PAK3: variants seen among roughly 807,000 people sequenced by gnomAD.
The protein encoded by PAK3 is serine/threonine-protein kinase PAK 3.
A neutral mutation model predicts 41.0 loss-of-function variants in PAK3; 4 were observed. That is an observed-to-expected ratio of 0.10 (90% CI 0.05 to 0.22). The LOEUF is 0.22. PAK3 is among the 10% of genes least tolerant of loss of function. The pLI is 1.00. For synonymous variants in PAK3, 146 were observed against 139.6 expected (o/e 1.05, Z -0.32); for missense variants, 205 against 409.9 (o/e 0.50, Z 4.32).
intron 1 of PAK3, among the ~76,000 whole-genome samples, chrX:111,006,022 G>A (rs1319824402): frequency 9.0e-6 from 1 of 110,836 alleles, no homozygotes; most frequent in Non-Finnish European, 1.9e-5. Flanking sequence ...AATAGACAGG[G>A]GTCACAGAAA....
Position 111,223,260 on chromosome X carries a change from C to T in PAK3, c.*2813C>T, listed in dbSNP as rs1308170492. ...AAAATGTCCTGAGTTAGGAATAGGG[C>T]AGTGGGAAAGTCAGGGAAGGGTGAG... On this transcript the variant is annotated 3_prime_UTR_variant, in exon 18 of 18. Coordinates refer to ENST00000372007, the MANE Select transcript of PAK3 (RefSeq NM_002578.5). 9.1e-6 allele frequency: 1 copy of T among 110,397 alleles called. No homozygotes were observed. Among genetic ancestry groups the T allele is most frequent in the Non-Finnish European group, 1.9e-5 (1 of 52,933 alleles). The allele number at this position is 110,397 out of a possible 1,213,427, so 9.1% of individuals were successfully genotyped here.
intron 1 of PAK3, among the ~76,000 whole-genome samples, chrX:110,958,396 G>A (rs980990655): frequency 3.6e-5 from 4 of 111,512 alleles, no homozygotes; most frequent in Non-Finnish European, 7.5e-5. Flanking sequence ...CTTAAGAGTG[G>A]CGAGAAGAGA....
At chrX:110,956,383 G>A (rs896594956) in intron 1 of PAK3, among the ~76,000 whole-genome samples, 4 of 111,412 alleles carry the variant, frequency 3.6e-5, no homozygotes, top group African/African-American at 1.3e-4. Context: ...GAGGACTTGT[G>A]GATCCCTTGG....
intron 1 of PAK3, among the ~76,000 whole-genome samples, chrX:111,082,016 C>CA (rs1183685915): frequency 9.0e-6 from 1 of 110,598 alleles, no homozygotes; most frequent in Non-Finnish European, 1.9e-5. Flanking sequence ...ATTTTAAAGA[C>CA]AAAAAATAAG....
At chrX:110,998,719 G>A (rs1265806359) in intron 1 of PAK3, among the ~76,000 whole-genome samples, 1 of 112,289 alleles carries the variant, frequency 8.9e-6, no homozygotes, top group Non-Finnish European at 1.9e-5. Context: ...TTTGTCTTGT[G>A]CATATTCAGC....
intron 1 of PAK3, among the ~76,000 whole-genome samples, chrX:110,983,069 A>G (rs762093738): frequency 1.8e-4 from 20 of 111,676 alleles, no homozygotes; most frequent in Non-Finnish European, 3.8e-4. Context: ...CTTTCCCTAC[A>G]GAAGATGTAG....
At chrX:111,208,906 C>A (rs1220945704) in intron 16 of PAK3, among the ~76,000 whole-genome samples, 1 of 108,390 alleles carries the variant, frequency 9.2e-6, no homozygotes, top group East Asian at 2.8e-4. Context: ...GTTCCTGGAA[C>A]CAATCCCCCA....
intron 1 of PAK3, among the ~76,000 whole-genome samples, chrX:111,086,753 T>C (rs2092887882): frequency 9.0e-6 from 1 of 111,448 alleles, no homozygotes; most frequent in Non-Finnish European, 1.9e-5. Flanking sequence ...ACTAATTCCC[T>C]GAATGAGGGA....
At chrX:110,989,082 T>C (rs2091596706) in intron 1 of PAK3, among the ~76,000 whole-genome samples, 1 of 112,290 alleles carries the variant, frequency 8.9e-6, no homozygotes, top group Non-Finnish European at 1.9e-5. Flanking sequence ...ACTTGATATG[T>C]TGAAGATGTT....
chrX:111,019,072 T>A (rs916554590), intron 1 of PAK3, among the ~76,000 whole-genome samples: 1 of 111,173 alleles, frequency 9.0e-6, no homozygotes, highest in Non-Finnish European at 1.9e-5. Flanking sequence ...GCCTTTACCT[T>A]ACACCATATA....
chrX:111,038,547 A>C (rs2092422465), intron 1 of PAK3, among the ~76,000 whole-genome samples: 1 of 112,038 alleles, frequency 8.9e-6, no homozygotes, highest in Admixed American at 9.5e-5. Context: ...GCAGTTTATA[A>C]GGAGGTAGAC....
At chrX:111,105,782 C>T (rs777269678) in intron 4 of PAK3, among the ~76,000 whole-genome samples, 1 of 111,390 alleles carries the variant, frequency 9.0e-6, no homozygotes, top group Non-Finnish European at 1.9e-5. Context: ...ACCAAACTTG[C>T]AGGCACATAC....
intron 1 of PAK3, among the ~76,000 whole-genome samples, chrX:111,014,605 A>G (rs1446974342): frequency 9.0e-6 from 1 of 111,073 alleles, no homozygotes; most frequent in East Asian, 2.9e-4. Context: ...TGAGACTTCC[A>G]ATTGTCCTTA....
chrX:110,965,232 G>T (rs905138514), intron 1 of PAK3, among the ~76,000 whole-genome samples: 1 of 112,125 alleles, frequency 8.9e-6, no homozygotes, highest in African/African-American at 3.2e-5. Flanking sequence ...TTGCAAATGG[G>T]ACGGAGAAAA....
chrX:111,133,141 G>A (rs1319927180), intron 5 of PAK3, among the ~76,000 whole-genome samples: 1 of 111,568 alleles, frequency 9.0e-6, no homozygotes, highest in Non-Finnish European at 1.9e-5. Context: ...ACCTTTCTCA[G>A]CATATTTTGT....
At chrX:111,145,730 G>A (rs1396133389) in intron 6 of PAK3, among the ~76,000 whole-genome samples, 1 of 111,836 alleles carries the variant, frequency 8.9e-6, no homozygotes, top group East Asian at 2.8e-4. Flanking sequence ...GCATGTTTCT[G>A]TAGCATTTGA....
chrX:110,979,369 G>T (rs2091406697), intron 1 of PAK3, among the ~76,000 whole-genome samples: 2 of 91,425 alleles, frequency 2.2e-5, no homozygotes, highest in African/African-American at 4.3e-5. Flanking sequence ...CGCCATCTCT[G>T]CCCACTGCAA....
chrX:111,118,620 G>A (rs921616533), intron 4 of PAK3, among the ~76,000 whole-genome samples: 3 of 111,078 alleles, frequency 2.7e-5, no homozygotes, highest in Admixed American at 1.9e-4. Flanking sequence ...GTGGCTGGTG[G>A]TTTTGGAGAT....
chrX:111,077,054 A>C (rs2092792000), intron 1 of PAK3, among the ~76,000 whole-genome samples: 1 of 111,728 alleles, frequency 9.0e-6, no homozygotes, highest in Non-Finnish European at 1.9e-5. Flanking sequence ...CTCTTTTATA[A>C]TAGCATTAAA....
Sources: allele counts gnomAD v4.1 joint callset (sites outside exome capture counted in the v4.1 genomes callset), GRCh38; gene constraint gnomAD v4.1.1; transcripts MANE v1.5; gene names NCBI Gene and HGNC (gene_info 2026-07-23, HGNC 2026-07-21).